The following WDR27 variants were observed in gnomAD, a reference collection of about 807,000 sequenced individuals.
WDR27 encodes WD repeat domain 27.
WDR27 carries 100 observed loss-of-function variants against 114.4 expected under a neutral mutation model. That is an observed-to-expected ratio of 0.87 (90% CI 0.74 to 1.03). The LOEUF is 1.03. Among genes scored for constraint, WDR27 ranks in the 50% least tolerant of loss-of-function variants. WDR27 has a pLI of 0.00. For synonymous variants in WDR27, 449 were observed against 423.1 expected, an observed-to-expected ratio of 1.06 and a Z score of -0.75; for missense variants, 1,129 against 1,092.9, an observed-to-expected ratio of 1.03 and a Z score of -0.47.
At chr6:169,453,817 T>C (rs981236101), downstream of WDR27, among the ~76,000 whole-genome samples, 6 of 152,216 alleles carry the variant, frequency 3.9e-5, no homozygotes, top group Admixed American at 1.3e-4. Flanking sequence ...GATAATTTCA[T>C]AGCTTAAGGT....
chr6:169,690,482 T>G (rs1784199160), intron 1 of WDR27, among the ~76,000 whole-genome samples: 1 of 152,208 alleles, frequency 6.6e-6, no homozygotes, highest in Non-Finnish European at 1.5e-5. Flanking sequence ...TCTCTGCACC[T>G]TGGGAGCTCT....
intron 17 of WDR27, among the ~76,000 whole-genome samples, chr6:169,639,930 C>CCTG (rs1818743297): frequency 6.6e-6 from 1 of 152,110 alleles, no homozygotes; most frequent in African/African-American, 2.4e-5. Context: ...AGAGGTCGGC[C>CCTG]CTGGAGCCAA....
chr6:169,536,395 C>A (rs1796189573), intron 25 of WDR27, among the ~76,000 whole-genome samples: 4 of 152,168 alleles, frequency 2.6e-5, no homozygotes. Context: ...GCCACATTTT[C>A]CAAATTAGGT....
chr6:169,636,281 A>G, intron 19 of WDR27, 90 bp downstream of exon 19: 1 of 1,479,306 alleles, frequency 6.8e-7, no homozygotes, highest in African/African-American at 1.4e-5. Flanking sequence ...ATTTGGGGCA[A>G]CATTTTAAAA....
chr6:169,690,449 T>G lies in WDR27; in HGVS notation c.-7-1437A>C, dbSNP rs147172825. Among the ~76,000 whole-genome samples the G allele has an allele frequency of 2.3e-3, 349 of 152,322 alleles. 2 individuals carry two copies. The highest frequency in any genetic ancestry group is 7.9e-3 in the African/African-American group (328 of 41,566). Reference sequence around the variant, plus strand: ...TTACTGCCTCAGCACGCACACTTTATCTTCATGTTCCATTCCTCCTCATCT... The same window carrying G: ...TTACTGCCTCAGCACGCACACTTTAGCTTCATGTTCCATTCCTCCTCATCT... On this transcript the variant is annotated intron_variant, in intron 1 of 25. Coordinates refer to ENST00000448612, the MANE Select transcript of WDR27 (RefSeq NM_182552.5).
chr6:169,678,684 A>G (rs1023327265), intron 2 of WDR27, among the ~76,000 whole-genome samples: 5 of 152,150 alleles, frequency 3.3e-5, no homozygotes, highest in Admixed American at 3.3e-4. Flanking sequence ...TTCTCAGCAG[A>G]TGAGTTTTAT....
chr6:169,526,779 GAATA>G (rs1310629860), intron 25 of WDR27, among the ~76,000 whole-genome samples: 1 of 152,032 alleles, frequency 6.6e-6, no homozygotes, highest in Non-Finnish European at 1.5e-5. Context: ...ATATTATTCA[GAATA>G]AATAAAGAAT....
chr6:169,642,245 A>C (rs1819377991), intron 17 of WDR27, among the ~76,000 whole-genome samples: 1 of 152,224 alleles, frequency 6.6e-6, no homozygotes, highest in African/African-American at 2.4e-5. Context: ...ATTAAACGTT[A>C]CACACCCAAA....
chr6:169,437,202 G>T, the WDR27 span, among the ~76,000 whole-genome samples: 1 of 152,124 alleles, frequency 6.6e-6, no homozygotes, highest in Non-Finnish European at 1.5e-5. Flanking sequence ...ATGAAGGATG[G>T]ATCTTATAAA....
chr6:169,428,608 A>AGGGGGGGGGGGGGGGGGGGGG, the WDR27 span, among the ~76,000 whole-genome samples: 3 of 114,468 alleles, frequency 2.6e-5, no homozygotes, highest in African/African-American at 3.6e-5. Context: ...GGCGGGGGGG[A>AGGGGGGGGGGGGGGGGGGGGG]GGGGGGGGTT....
chr6:169,470,997 C>A (rs1410430212), intron 25 of WDR27, among the ~76,000 whole-genome samples: 2 of 152,110 alleles, frequency 1.3e-5, no homozygotes, highest in African/African-American at 2.4e-5. Flanking sequence ...CTAAGTGCAG[C>A]CACATGGGGC....
chr6:169,660,291 G>A (rs7760433), intron 10 of WDR27, among the ~76,000 whole-genome samples: 15,177 of 152,120 alleles, frequency 0.1, 961 homozygotes, highest in East Asian at 0.19. Flanking sequence ...CGCCTCGGCC[G>A]GGTTTACGCT....
intron 25 of WDR27, 78 bp from the exon 26 acceptor site, chr6:169,457,712 A>C: frequency 1.8e-6 from 2 of 1,139,810 alleles, no homozygotes; most frequent in Non-Finnish European, 2.5e-6. Context: ...ATAAGCCCAA[A>C]GTGTGTTATT....
At chr6:169,602,359 T>C (rs1419915154) in intron 22 of WDR27, 38 bp from the exon 23 acceptor site, 2 of 1,397,534 alleles carry the variant, frequency 1.4e-6, no homozygotes, top group East Asian at 5.1e-5. Context: ...AAAAATCATT[T>C]TAAAATTTGA....
intron 9 of WDR27, 52 bp downstream of exon 9, chr6:169,662,252 G>A: frequency 6.3e-7 from 1 of 1,584,258 alleles, no homozygotes; most frequent in Non-Finnish European, 8.6e-7. Flanking sequence ...GTTCATCTAA[G>A]GAATTTAAGA....
intron 25 of WDR27, among the ~76,000 whole-genome samples, chr6:169,527,867 G>A (rs1795128488): frequency 6.6e-6 from 1 of 152,056 alleles, no homozygotes; most frequent in African/African-American, 2.4e-5. Context: ...AATATTTATT[G>A]TAAAGCTACA....
At chr6:169,629,374 A>G (rs1393171830) in intron 21 of WDR27, among the ~76,000 whole-genome samples, 1 of 152,198 alleles carries the variant, frequency 6.6e-6, no homozygotes, top group Non-Finnish European at 1.5e-5. Flanking sequence ...ATCTAGACCA[A>G]GTTTTATGGC....
chr6:169,591,244 T>C (rs1022449626), intron 23 of WDR27, among the ~76,000 whole-genome samples: 4 of 152,214 alleles, frequency 2.6e-5, no homozygotes, highest in Non-Finnish European at 5.9e-5. Context: ...CCTGTACCCA[T>C]TGGCCATCTG....
chr6:169,575,520 A>G (rs1041801054), intron 24 of WDR27, among the ~76,000 whole-genome samples: 2 of 152,078 alleles, frequency 1.3e-5, no homozygotes, highest in African/African-American at 4.8e-5. Flanking sequence ...ATCGCTCCCA[A>G]CACTGATCCT....
Sources: allele counts gnomAD v4.1 joint callset (sites outside exome capture counted in the v4.1 genomes callset), GRCh38; gene constraint gnomAD v4.1.1; transcripts MANE v1.5; gene names NCBI Gene and HGNC (gene_info 2026-07-23, HGNC 2026-07-21).